Variants in ZFAT observed in about 807,000 individuals in gnomAD.
ZFAT encodes zinc finger protein ZFAT.
In ZFAT, 64 loss-of-function variants were observed where a neutral mutation model predicts 117.7. That is an observed-to-expected ratio of 0.54 (90% CI 0.44 to 0.67). The LOEUF (loss-of-function observed/expected upper bound fraction) is 0.67, where lower values mean the gene tolerates loss of function less well. Ranked by LOEUF, ZFAT falls within the 30% of genes least tolerant of loss-of-function variation. The pLI is 0.00. For missense variants in ZFAT, 1,433 were observed against 1,584.5 expected, an observed-to-expected ratio of 0.90 and a Z score of 1.62; for synonymous variants, 679 against 615.0, an observed-to-expected ratio of 1.10 and a Z score of -1.54.
Position 134,560,504 on chromosome 8 carries a change from C to T in ZFAT, c.2976+4829G>A, listed in dbSNP as rs553015422. 4.6e-5 allele frequency among the ~76,000 whole-genome samples: 7 copies of T among 152,296 alleles called. No homozygotes were observed. In the East Asian group the frequency reaches 9.6e-4, roughly 21 times the overall value. Reference sequence around the variant, plus strand: ...ATGTGCAAGGAGAATGCCACTGAATCGGCTCTGTCATTGAGAACATTTCTA... The same window carrying T: ...ATGTGCAAGGAGAATGCCACTGAATTGGCTCTGTCATTGAGAACATTTCTA... On this transcript the variant is annotated intron_variant, in intron 11 of 15. Transcript: ENST00000377838.
chr8:134,674,382 G>C (rs994552932), intron 1 of ZFAT, among the ~76,000 whole-genome samples: 3 of 152,194 alleles, frequency 2.0e-5, no homozygotes, highest in Admixed American at 6.5e-5. Context: ...AGCAGTCTGA[G>C]GCCAACCTGG....
At chr8:134,705,897 G>A (rs1169310720) in intron 1 of ZFAT, among the ~76,000 whole-genome samples, 3 of 152,002 alleles carry the variant, frequency 2.0e-5, no homozygotes, top group African/African-American at 7.3e-5. Flanking sequence ...TGACACAAAT[G>A]GCCAATAAGC....
chr8:134,654,009 T>A lies in ZFAT; in HGVS notation c.196+3552A>T, dbSNP rs116503298. ...GCTTTAATTTTCTTTTACAGCAAGA[T>A]TTCAGGGCCAGGCACGGGGGCTCAT... On this transcript the variant is annotated intron_variant, in intron 2 of 15. Transcript: ENST00000377838. Among the ~76,000 whole-genome samples the A allele has an allele frequency of 8.0e-3, 1,224 of 152,298 alleles. 12 individuals are homozygous for A. The highest frequency in any genetic ancestry group is 0.028 in the African/African-American group (1,173 of 41,562).
At chr8:134,640,824 T>C (rs1020864468) in intron 2 of ZFAT, among the ~76,000 whole-genome samples, 10 of 152,132 alleles carry the variant, frequency 6.6e-5, no homozygotes, top group Admixed American at 1.3e-4. Context: ...TGAAAATGAG[T>C]TGCTGCTGTC....
intron 15 of ZFAT, among the ~76,000 whole-genome samples, chr8:134,485,142 A>G (rs7828645): frequency 0.81 from 123,096 of 152,132 alleles, 50,655 homozygotes; most frequent in African/African-American, 0.96. Context: ...AGCTTTAGAG[A>G]AGAGGCAGAC....
chr8:134,554,415 T>C (rs1236242123), intron 11 of ZFAT, among the ~76,000 whole-genome samples: 6 of 152,248 alleles, frequency 3.9e-5, no homozygotes, highest in Non-Finnish European at 5.9e-5. Context: ...GATAGGTCGC[T>C]ATGCTAGAGA....
the ZFAT span, among the ~76,000 whole-genome samples, chr8:134,755,248 C>CA: frequency 0.028 from 3,153 of 114,408 alleles, 45 homozygotes; most frequent in African/African-American, 0.053. Flanking sequence ...TACTAAAATA[C>CA]AAAAAAAAAA....
chr8:134,800,513 T>C, the ZFAT span: 3 of 508,352 alleles, frequency 5.9e-6, no homozygotes, highest in African/African-American at 1.9e-5. Flanking sequence ...TGTTAATTGG[T>C]TGACATTCCA....
At chr8:134,596,158 A>G (rs1358138896) in intron 7 of ZFAT, among the ~76,000 whole-genome samples, 1 of 152,228 alleles carries the variant, frequency 6.6e-6, no homozygotes, top group Non-Finnish European at 1.5e-5. Flanking sequence ...CCATGATCAC[A>G]GTCCTAAGAT....
At chr8:134,738,610 T>C in the ZFAT span, among the ~76,000 whole-genome samples, 1 of 152,158 alleles carries the variant, frequency 6.6e-6, no homozygotes, top group Middle Eastern at 3.4e-3. Flanking sequence ...CTGGAATCAA[T>C]GCCATGAAGG....
chr8:134,677,650 A>G (rs941288128), intron 1 of ZFAT, among the ~76,000 whole-genome samples: 6 of 152,182 alleles, frequency 3.9e-5, no homozygotes, highest in African/African-American at 1.4e-4. Context: ...AAAATAAAAA[A>G]ATAAAAATTT....
intron 7 of ZFAT, chr8:134,597,563 T>G (rs912562615): frequency 5.9e-5 from 9 of 152,140 alleles, no homozygotes; most frequent in Non-Finnish European, 1.3e-4. Context: ...AGTACATTGT[T>G]GTATTGACGT....
At chr8:134,746,481 T>C in the ZFAT span, among the ~76,000 whole-genome samples, 3 of 152,212 alleles carry the variant, frequency 2.0e-5, no homozygotes, top group Admixed American at 2.0e-4. Flanking sequence ...CAAATCACAT[T>C]GTTGGCCCAT....
the ZFAT span, among the ~76,000 whole-genome samples, chr8:134,819,584 C>T: frequency 6.8e-6 from 1 of 147,010 alleles, no homozygotes; most frequent in Non-Finnish European, 1.5e-5. Flanking sequence ...CCCGCTCCTC[C>T]AATATTCTAA....
At chr8:134,818,394 G>A in the ZFAT span, among the ~76,000 whole-genome samples, 1 of 152,138 alleles carries the variant, frequency 6.6e-6, no homozygotes, top group African/African-American at 2.4e-5. Context: ...GCAGTCATTA[G>A]AGAAATGCAA....
chr8:134,780,071 T>C, the ZFAT span, among the ~76,000 whole-genome samples: 1 of 152,198 alleles, frequency 6.6e-6, no homozygotes, highest in Non-Finnish European at 1.5e-5. Flanking sequence ...CATCTTTAAG[T>C]AGTTATCTGA....
chr8:134,783,290 G>A, the ZFAT span, among the ~76,000 whole-genome samples: 4 of 152,148 alleles, frequency 2.6e-5, no homozygotes, highest in African/African-American at 9.7e-5. Flanking sequence ...ATGCCCGTTA[G>A]GAATCAAGCA....
At chr8:134,573,015 A>C (rs1359034746) in intron 10 of ZFAT, among the ~76,000 whole-genome samples, 2 of 152,214 alleles carry the variant, frequency 1.3e-5, no homozygotes, top group East Asian at 3.8e-4. Context: ...GTATGAATCA[A>C]CTCTATGAAG....
chr8:134,817,618 A>G, the ZFAT span, among the ~76,000 whole-genome samples: 244 of 152,332 alleles, frequency 1.6e-3, 2 homozygotes, highest in African/African-American at 5.7e-3. Context: ...TAAAATGTCA[A>G]TTCTTTCCAA....
Sources: allele counts gnomAD v4.1 joint callset (sites outside exome capture counted in the v4.1 genomes callset), GRCh38; gene constraint gnomAD v4.1.1; transcripts MANE v1.5; gene names NCBI Gene and HGNC (gene_info 2026-07-23, HGNC 2026-07-21).